The following ATP8A2 variants were observed in gnomAD, a reference collection of about 807,000 sequenced individuals.
ATP8A2 encodes the protein phospholipid-transporting ATPase IB.
ATP8A2 carries 100 observed loss-of-function variants against 165.6 expected under a neutral mutation model. That is an observed-to-expected ratio of 0.60 (90% CI 0.51 to 0.71). The LOEUF is 0.71. Among genes scored for constraint, ATP8A2 ranks in the 30% least tolerant of loss-of-function variants. The pLI is 0.00. For synonymous variants in ATP8A2, 543 were observed against 548.8 expected, an observed-to-expected ratio of 0.99 and a Z score of 0.15; for missense variants, 1,227 against 1,479.5, an observed-to-expected ratio of 0.83 and a Z score of 2.80.
intron 34 of ATP8A2, among the ~76,000 whole-genome samples, chr13:25,963,626 AGTTT>A (rs1454992428): frequency 2.0e-5 from 3 of 152,228 alleles, no homozygotes; most frequent in African/African-American, 7.2e-5. Flanking sequence ...ATTATAAATT[AGTTT>A]ATTTTAATTC....
At chr13:25,856,755 C>T (rs1157232120) in intron 30 of ATP8A2, among the ~76,000 whole-genome samples, 1 of 152,184 alleles carries the variant, frequency 6.6e-6, no homozygotes, top group African/African-American at 2.4e-5. Flanking sequence ...CTCCTTCTCC[C>T]CTTCCTCCCC....
intron 33 of ATP8A2, among the ~76,000 whole-genome samples, chr13:25,919,064 C>T (rs1456179487): frequency 6.6e-6 from 1 of 152,110 alleles, no homozygotes; most frequent in Non-Finnish European, 1.5e-5. Context: ...TTTTTTAAAC[C>T]TGAACTAAGT....
At chr13:25,603,992 A>G (rs1320578573) in intron 24 of ATP8A2, among the ~76,000 whole-genome samples, 1 of 151,930 alleles carries the variant, frequency 6.6e-6, no homozygotes, top group Non-Finnish European at 1.5e-5. Flanking sequence ...TCAGGTCACC[A>G]GGATTGATAA....
intron 24 of ATP8A2, among the ~76,000 whole-genome samples, chr13:25,653,767 T>C (rs1443150696): frequency 6.6e-6 from 1 of 152,118 alleles, no homozygotes; most frequent in East Asian, 1.9e-4. Context: ...TGTGGTGGAA[T>C]AGGAGAGAAG....
At chr13:25,606,780 C>T (rs2040527904) in intron 24 of ATP8A2, among the ~76,000 whole-genome samples, 1 of 152,180 alleles carries the variant, frequency 6.6e-6, no homozygotes, top group South Asian at 2.1e-4. Context: ...GTAATAGTTG[C>T]TAGTCACATG....
At chr13:25,458,199 T>C (rs1593335471) in intron 1 of ATP8A2, among the ~76,000 whole-genome samples, 2 of 152,212 alleles carry the variant, frequency 1.3e-5, no homozygotes, top group Admixed American at 1.3e-4. Flanking sequence ...AATAGCAGGA[T>C]TAGGCAAGCC....
At chr13:25,499,899 AG>A (rs2036799916) in intron 2 of ATP8A2, among the ~76,000 whole-genome samples, 1 of 152,136 alleles carries the variant, frequency 6.6e-6, no homozygotes. Flanking sequence ...GATTGTGTTA[AG>A]GTGTGAGAAA....
intron 2 of ATP8A2, among the ~76,000 whole-genome samples, chr13:25,520,182 C>T (rs1349286115): frequency 1.3e-5 from 2 of 152,172 alleles, no homozygotes; most frequent in Non-Finnish European, 2.9e-5. Flanking sequence ...CCGTGCTACC[C>T]CTCCTAGCCT....
chr13:25,767,736 C>T (rs1399856308), intron 25 of ATP8A2, among the ~76,000 whole-genome samples: 1 of 152,158 alleles, frequency 6.6e-6, no homozygotes, highest in East Asian at 1.9e-4. Flanking sequence ...CAACCCAGCT[C>T]CTAAAGTCCT....
intron 20 of ATP8A2, 102 bp downstream of exon 20, chr13:25,577,240 C>A: frequency 1.9e-6 from 2 of 1,039,868 alleles, no homozygotes; most frequent in Non-Finnish European, 3.0e-6. Context: ...ATTGTTTGTC[C>A]AGAGTTGAAA....
intron 1 of ATP8A2, among the ~76,000 whole-genome samples, chr13:25,409,537 C>A (rs553366279): frequency 6.6e-6 from 1 of 152,286 alleles, no homozygotes; most frequent in Admixed American, 6.5e-5. Context: ...ATGGATTCAT[C>A]ATGAGCTTCA....
At chr13:25,890,183 A>T (rs972165583) in intron 33 of ATP8A2, among the ~76,000 whole-genome samples, 5 of 151,876 alleles carry the variant, frequency 3.3e-5, no homozygotes, top group South Asian at 2.1e-4. Context: ...AAGAAAAAAA[A>T]TTTTACCGTC....
rs1955436907 is a variant in ATP8A2, at chr13:25,953,593, T to C, written c.3184-7982T>C. Among the ~76,000 whole-genome samples, 1 of 149,890 alleles carries C rather than the reference T, an allele frequency of 6.7e-6. No individual in the cohort carries two copies. Among genetic ancestry groups the C allele is most frequent in the Non-Finnish European group, 1.5e-5 (1 of 67,800 alleles). ...GCCAAATAGGAACAGCTCCAGTCTG[T>C]AGCTCCCAGGGAGATCAAGGCAGAC... On this transcript the variant is annotated intron_variant, in intron 33 of 36. Transcript: ENST00000381655. This position sits in a 1 kb window ranked among gnomAD's most constrained non-coding sequence, Gnocchi z 6.7.
At chr13:25,983,279 C>G (rs923866550) in intron 35 of ATP8A2, among the ~76,000 whole-genome samples, 1 of 152,198 alleles carries the variant, frequency 6.6e-6, no homozygotes. Flanking sequence ...AGAACAACAA[C>G]AAAAGAAAAT....
rs149552281 is a variant in ATP8A2, at chr13:25,693,495, T to C, written c.2212-5678T>C. On this transcript the variant is annotated intron_variant, in intron 24 of 36. Transcript: ENST00000381655. The stretch of plus-strand genomic sequence containing the variant: ...CTTAGTGGTAGGAAGAGGATTTCAA[T>C]CCCAGAGGCAAAGGAGTGTATCTGA... Among the ~76,000 whole-genome samples, 450 of 152,088 alleles carry C rather than the reference T, an allele frequency of 3.0e-3. 2 individuals carry two copies. Among genetic ancestry groups the C allele is most frequent in the African/African-American group, 0.01 (423 of 41,456 alleles).
Position 25,839,630 on chromosome 13 carries a change from G to T in ATP8A2, c.2956+6G>T. On this transcript the variant is annotated splice_donor_region_variant and intron_variant, in intron 30 of 36. Coordinates refer to ENST00000381655, the MANE Select transcript of ATP8A2 (RefSeq NM_016529.6). ...CATGAAAGCTCTGGAGCATGGTAAG[G>T]GCTGTGTGATTTCACCTGTCAGCAA... 1.2e-6 allele frequency: 2 copies of T among 1,612,550 alleles called. No homozygotes were observed. Among genetic ancestry groups the T allele is most frequent in the Non-Finnish European group, 8.5e-7 (1 of 1,178,564 alleles).
intron 1 of ATP8A2, among the ~76,000 whole-genome samples, chr13:25,467,613 C>A (rs1007125853): frequency 1.5e-4 from 22 of 150,826 alleles, no homozygotes; most frequent in African/African-American, 5.4e-4. Flanking sequence ...TGCAGTGGCG[C>A]GATCTCAGCT....
rs889097573 is a variant in ATP8A2, at chr13:26,025,796, G to A, written c.*5811G>A. ...GTGATTTGTGGCTTTGATCAATCCTGTTGACTGGTGTATGTCTGCGCAAAC... is the reference window on the plus strand; with the variant it reads ...GTGATTTGTGGCTTTGATCAATCCTATTGACTGGTGTATGTCTGCGCAAAC... On this transcript the variant is annotated 3_prime_UTR_variant, in exon 37 of 37. Transcript: ENST00000381655. 7.2e-5 allele frequency: 11 copies of A among 152,356 alleles called. No individual in the cohort carries two copies. The highest frequency in any genetic ancestry group is 7.2e-4 in the Admixed American group (11 of 15,304). The allele number at this position is 152,356 out of a possible 1,614,324, so 9.4% of individuals were successfully genotyped here.
intron 24 of ATP8A2, among the ~76,000 whole-genome samples, chr13:25,684,882 G>T (rs938686169): frequency 6.6e-6 from 1 of 152,126 alleles, no homozygotes; most frequent in Admixed American, 6.5e-5. Context: ...GTAACCTGTA[G>T]TGTATATACT....
Sources: allele counts gnomAD v4.1 joint callset (sites outside exome capture counted in the v4.1 genomes callset), GRCh38; gene constraint gnomAD v4.1.1; non-coding constraint Gnocchi (gnomAD v3.1); transcripts MANE v1.5; gene names NCBI Gene and HGNC (gene_info 2026-07-23, HGNC 2026-07-21).